The following RHOJ variants were observed in gnomAD, a reference collection of about 807,000 sequenced individuals.
The protein encoded by RHOJ is rho-related GTP-binding protein RhoJ.
Under a neutral mutation model 23.4 loss-of-function variants are expected in RHOJ, and 11 were observed. That is an observed-to-expected ratio of 0.47 (90% CI 0.30 to 0.78). RHOJ has a LOEUF of 0.78. Ranked by LOEUF, RHOJ falls within the 30% of genes least tolerant of loss-of-function variation. The pLI, the probability that RHOJ is intolerant of heterozygous loss-of-function variation, is 0.08. For synonymous variants in RHOJ, 102 were observed against 102.7 expected (o/e 0.99, Z 0.04); for missense variants, 254 against 273.4 (o/e 0.93, Z 0.50).
chr14:63,287,403 G>T (rs1882115470), intron 4 of RHOJ, among the ~76,000 whole-genome samples: 1 of 152,194 alleles, frequency 6.6e-6, no homozygotes, highest in African/African-American at 2.4e-5. Flanking sequence ...ATTAGCTCAT[G>T]TACCACAAGG....
intron 1 of RHOJ, among the ~76,000 whole-genome samples, chr14:63,206,559 C>T (rs4899109): frequency 0.92 from 139,914 of 152,218 alleles, 64,656 homozygotes; most frequent in South Asian, 0.98. Flanking sequence ...AAATCAAAGG[C>T]GGAACTGAAA....
chr14:63,226,273 C>A (rs1243368940), intron 1 of RHOJ, among the ~76,000 whole-genome samples: 2 of 151,766 alleles, frequency 1.3e-5, no homozygotes, highest in Admixed American at 6.6e-5. Flanking sequence ...ACAATTACCT[C>A]TATGAAGAAA....
intron 1 of RHOJ, among the ~76,000 whole-genome samples, chr14:63,255,165 T>C (rs1389817177): frequency 6.6e-6 from 1 of 152,124 alleles, no homozygotes; most frequent in Non-Finnish European, 1.5e-5. Flanking sequence ...AATCCCCCCC[T>C]GAGGTAACCA....
intron 1 of RHOJ, among the ~76,000 whole-genome samples, chr14:63,246,169 C>A (rs1480617305): frequency 6.6e-6 from 1 of 152,144 alleles, no homozygotes; most frequent in Non-Finnish European, 1.5e-5. Flanking sequence ...CACTTTCTCC[C>A]TCCTCTCTCT....
chr14:63,277,315 T>C (rs955525173), intron 2 of RHOJ, among the ~76,000 whole-genome samples: 1 of 152,202 alleles, frequency 6.6e-6, no homozygotes, highest in African/African-American at 2.4e-5. Flanking sequence ...GGCTGACCTT[T>C]AGCAATAACC....
intron 1 of RHOJ, among the ~76,000 whole-genome samples, chr14:63,239,672 C>CAG (rs1247805566): frequency 6.6e-6 from 1 of 152,218 alleles, no homozygotes; most frequent in Non-Finnish European, 1.5e-5. Context: ...TGCACCCGAC[C>CAG]AGAGCTTCTT....
At chr14:63,212,738 G>A (rs1034749201) in intron 1 of RHOJ, among the ~76,000 whole-genome samples, 1 of 152,162 alleles carries the variant, frequency 6.6e-6, no homozygotes, top group African/African-American at 2.4e-5. Flanking sequence ...ATGAAAATCT[G>A]TGTTCTATCA....
At chr14:63,272,600 A>C (rs1594774361) in intron 2 of RHOJ, among the ~76,000 whole-genome samples, 2 of 152,324 alleles carry the variant, frequency 1.3e-5, no homozygotes, top group Non-Finnish European at 2.9e-5. Flanking sequence ...TGTCAGCGCT[A>C]AACAAAATCA....
Position 63,239,215 on chromosome 14 carries a change from G to A in RHOJ, c.179-29895G>A, listed in dbSNP as rs576845430. Among the ~76,000 whole-genome samples, 30 of 152,192 alleles carry A rather than the reference G, an allele frequency of 2.0e-4. No individual in the cohort carries two copies. In the East Asian group the frequency reaches 4.6e-3, roughly 24 times the overall value. On this transcript the variant is annotated intron_variant, in intron 1 of 4. Coordinates refer to ENST00000316754, the MANE Select transcript of RHOJ (RefSeq NM_020663.5). ...CAACCTCCGCCTCCCAGATTCAAGC[G>A]ATTCTCCTGCTTCAGCCTCCTGAGT...
At chr14:63,227,826 T>G (rs977813731) in intron 1 of RHOJ, among the ~76,000 whole-genome samples, 3 of 152,212 alleles carry the variant, frequency 2.0e-5, no homozygotes, top group African/African-American at 7.2e-5. Context: ...AAAGACAGAT[T>G]TACATGAAGC....
At chr14:63,216,684 T>C (rs528990591) in intron 1 of RHOJ, among the ~76,000 whole-genome samples, 1 of 151,950 alleles carries the variant, frequency 6.6e-6, no homozygotes, top group Admixed American at 6.6e-5. Flanking sequence ...AGCTGGTAAA[T>C]AAGAGCCTTA....
In RHOJ at chr14:63,258,549, C is replaced by T. The variant is rs188377525; in HGVS notation, c.179-10561C>T. Among the ~76,000 whole-genome samples, 159 of 152,274 alleles carry T rather than the reference C, an allele frequency of 1.0e-3. 2 individuals carry two copies. The highest frequency in any genetic ancestry group is 3.7e-3 in the African/African-American group (155 of 41,550). ...ATCATCATTCCCCTTCTATTTTCCC[C>T]TCCTTTGACTGAGGAGAGAAAGCAC... On this transcript the variant is annotated intron_variant, in intron 1 of 4. Coordinates refer to ENST00000316754, the MANE Select transcript of RHOJ (RefSeq NM_020663.5).
At chr14:63,216,976 A>C (rs1199458765) in intron 1 of RHOJ, among the ~76,000 whole-genome samples, 1 of 152,216 alleles carries the variant, frequency 6.6e-6, no homozygotes, top group Non-Finnish European at 1.5e-5. Flanking sequence ...CATGTATTTC[A>C]AGACCTAGAA....
At chr14:63,213,378 T>C (rs1191615805) in intron 1 of RHOJ, among the ~76,000 whole-genome samples, 1 of 152,194 alleles carries the variant, frequency 6.6e-6, no homozygotes, top group Non-Finnish European at 1.5e-5. Flanking sequence ...AAGTGAGAAC[T>C]AACGTAGTAT....
chr14:63,225,806 G>A (rs1456756653), intron 1 of RHOJ, among the ~76,000 whole-genome samples: 5 of 152,072 alleles, frequency 3.3e-5, no homozygotes, highest in Non-Finnish European at 7.4e-5. Context: ...AGGCCTAGAG[G>A]GGAAAAGGAC....
chr14:63,231,573 C>T (rs890716174), intron 1 of RHOJ, among the ~76,000 whole-genome samples: 1 of 152,162 alleles, frequency 6.6e-6, no homozygotes, highest in Non-Finnish European at 1.5e-5. Context: ...GATTTTAAAC[C>T]AAATATGCAC....
intron 1 of RHOJ, among the ~76,000 whole-genome samples, chr14:63,227,646 C>T (rs1894619225): frequency 3.3e-5 from 5 of 152,072 alleles, no homozygotes; most frequent in Admixed American, 3.3e-4. Context: ...AATAAATGTA[C>T]CGACCATCCA....
intron 1 of RHOJ, among the ~76,000 whole-genome samples, chr14:63,268,799 T>G (rs1262299081): frequency 1.3e-5 from 2 of 152,188 alleles, no homozygotes; most frequent in Admixed American, 1.3e-4. Context: ...GCATTCTTTT[T>G]CATCAGAAGC....
In RHOJ at chr14:63,204,770, TA is replaced by T; in HGVS notation, c.-97del. 8.1e-7 allele frequency: 1 copy of T among 1,238,248 alleles called. No homozygotes were observed. The highest frequency in any genetic ancestry group is 1.1e-6 in the Non-Finnish European group (1 of 871,330). The allele number at this position is 1,238,248 out of a possible 1,614,324, so 76.7% of individuals were successfully genotyped here. ...CCAAGGTACCCAAAGTCAGACAGAG[TA>T]AACTCAAGCCTGGCACTGGCTTTCT... is the stretch of plus-strand genomic sequence containing the variant. On this transcript the variant is annotated 5_prime_UTR_variant, in exon 1 of 5. Transcript: ENST00000316754.
Sources: gnomAD v4.1 joint callset for allele counts (sites outside exome capture counted in the v4.1 genomes callset) on GRCh38, gnomAD v4.1.1 for gene constraint, MANE v1.5 for transcripts, NCBI Gene and HGNC (gene_info 2026-07-23, HGNC 2026-07-21) for gene names.